The following NEB variants were observed in gnomAD, a reference collection of about 807,000 sequenced individuals.
NEB encodes nemaline myopathy type 2.
In NEB, 512 loss-of-function variants were observed where a neutral mutation model predicts 952.2. The ratio of observed to expected loss-of-function variants is 0.54; its 90% CI spans 0.50 to 0.58. The LOEUF (loss-of-function observed/expected upper bound fraction) is 0.58. Among genes scored for constraint, NEB ranks in the 20% least tolerant of loss-of-function variants. The probability of loss-of-function intolerance (pLI) is 0.00; values close to 1 mark genes in which losing one functional copy is unlikely to be tolerated. For synonymous variants in NEB, 2,900 were observed against 3,149.8 expected, an observed-to-expected ratio of 0.92 and a Z score of 2.66; for missense variants, 8,428 against 9,231.1, an observed-to-expected ratio of 0.91 and a Z score of 3.56.
rs773132178 is a variant in NEB at position 151,695,672 on chromosome 2, T to C, written c.1580A>G (p.Lys527Arg). The change falls in exon 18 of 182, where the codon AAA (lysine) becomes AGA (arginine). Residue 527 changes from lysine (K) to arginine (R), a missense_variant. Around this residue, in one of 11 missense-constraint regions of NEB, gnomAD observed 2,851 missense variants for 2,791.5 expected, o/e 1.02. Coordinates refer to ENST00000397345, the MANE Select transcript of NEB (RefSeq NM_001164508.2). ...GAACTTTTCACTTTCATGTTTTGCT[T>C]TGTAATTTAACTATGACAGAGAGAG... is the stretch of plus-strand genomic sequence containing the variant. The part of the protein sequence containing the change: ...NSKQLSDLNY[K>R]AKHESEKFKC... 9.3e-6 allele frequency: 15 copies of C among 1,612,772 alleles called. No homozygotes were observed. Among genetic ancestry groups the C allele is most frequent in the Non-Finnish European group, 1.2e-5 (14 of 1,178,976 alleles).
intron 67 of NEB, among the ~76,000 whole-genome samples, 173 bp from the exon 68 acceptor site, chr2:151,629,819 G>T (rs147371427): frequency 6.6e-6 from 1 of 151,900 alleles, no homozygotes; most frequent in Non-Finnish European, 1.5e-5. Flanking sequence ...ACTATATAGC[G>T]TTAGAAATAA....
intron 32 of NEB, among the ~76,000 whole-genome samples, chr2:151,678,678 A>T (rs1187234874): frequency 6.6e-6 from 1 of 152,128 alleles, no homozygotes; most frequent in Non-Finnish European, 1.5e-5. Flanking sequence ...CAGAGCCAGG[A>T]GGGGGTAAAC....
At chr2:151,709,135 T>C (rs1577232092) in intron 12 of NEB, among the ~76,000 whole-genome samples, 1 of 152,210 alleles carries the variant, frequency 6.6e-6, no homozygotes, top group African/African-American at 2.4e-5. Flanking sequence ...GAAATATCCA[T>C]GGATTTATGA....
chr2:151,642,373 T>C (rs1252660100), intron 60 of NEB, among the ~76,000 whole-genome samples: 1 of 152,272 alleles, frequency 6.6e-6, no homozygotes, highest in Non-Finnish European at 1.5e-5. Context: ...TTGAAATGCA[T>C]GTTGCTATGG....
rs1323516817 is a variant in NEB at position 151,526,909 on chromosome 2, G to A, written c.21945+9C>T. The A allele has an allele frequency of 3.2e-6, 5 of 1,557,248 alleles. No individual in the cohort carries two copies. In the South Asian group the frequency reaches 4.7e-5, roughly 15 times the overall value. On this transcript the variant is annotated intron_variant, in intron 148 of 181. Transcript: ENST00000397345. ...AGGTTAGGCATCATGGAAGGAACTA[G>A]GTACTTACATCACTTTCTATTAAAG...
At chr2:151,664,700 C>T in intron 43 of NEB, 59 bp downstream of exon 43, 1 of 1,528,346 alleles carries the variant, frequency 6.5e-7, no homozygotes, top group East Asian at 2.3e-5. Flanking sequence ...AGAATGCAGA[C>T]ATAAGTATCA....
intron 135 of NEB, among the ~76,000 whole-genome samples, chr2:151,542,426 T>G (rs2094185856): frequency 6.6e-6 from 1 of 152,192 alleles, no homozygotes; most frequent in Non-Finnish European, 1.5e-5. Context: ...TTTCTGAATT[T>G]AGGTGATTTA....
At position 151,675,379 on chromosome 2, in the gene NEB, C is replaced by A. The variant is rs1244300657; in HGVS notation, c.3787G>T (p.Ala1263Ser). The change falls in exon 35 of 182, where the codon GCT (alanine) becomes TCT (serine). Residue 1263 changes from alanine to serine, a missense_variant. Coordinates refer to ENST00000397345, the MANE Select transcript of NEB (RefSeq NM_001164508.2). ...TKQVSDILYK[A>S]KGEDVKHKYT... ...TTATGTTTCACATCTTCTCCTTTAG[C>A]CTTGTATAAGATCTGCAATAAAATG... 1.3e-6 allele frequency: 2 copies of A among 1,571,816 alleles called. No homozygotes were observed. The highest frequency in any genetic ancestry group is 1.8e-5 in the Admixed American group (1 of 54,378).
intron 9 of NEB, among the ~76,000 whole-genome samples, chr2:151,722,632 C>T (rs2099777971): frequency 6.6e-6 from 1 of 152,170 alleles, no homozygotes; most frequent in Non-Finnish European, 1.5e-5. Flanking sequence ...CAGCCTCGAC[C>T]TCCTGGGTTC....
At chr2:151,516,256 G>A (rs2077641162) in intron 157 of NEB, among the ~76,000 whole-genome samples, 1 of 152,066 alleles carries the variant, frequency 6.6e-6, no homozygotes, top group Non-Finnish European at 1.5e-5. Flanking sequence ...TAAGACATAT[G>A]GTAAATATTT....
At chr2:151,531,361 G>A (rs2090817067) in intron 144 of NEB, among the ~76,000 whole-genome samples, 1 of 130,402 alleles carries the variant, frequency 7.7e-6, no homozygotes, top group African/African-American at 2.9e-5. Flanking sequence ...TTGCCACCCA[G>A]GCTGGAGTGC....
intron 173 of NEB, 24 bp downstream of exon 173, chr2:151,496,251 GT>G (rs772724327): frequency 5.8e-6 from 9 of 1,551,950 alleles, no homozygotes; most frequent in Admixed American, 1.8e-5. Context: ...TCAGTAAGTA[GT>G]TTTTTTCTTT....
intron 84 of NEB, among the ~76,000 whole-genome samples, chr2:151,605,297 C>T (rs565959687): frequency 1.5e-4 from 20 of 129,476 alleles, no homozygotes; most frequent in Non-Finnish European, 5.3e-5. Context: ...ACATATATTC[C>T]AGATGGGGAA....
intron 60 of NEB, among the ~76,000 whole-genome samples, chr2:151,641,659 G>T (rs1485607296): frequency 3.3e-5 from 5 of 151,906 alleles, no homozygotes; most frequent in African/African-American, 1.2e-4. Context: ...TGACAGGTAG[G>T]TATTTCATTA....
chr2:151,532,612 G>A (rs2091888145), intron 143 of NEB, among the ~76,000 whole-genome samples: 1 of 151,930 alleles, frequency 6.6e-6, no homozygotes, highest in South Asian at 2.1e-4. Flanking sequence ...GGAAGTTCAG[G>A]CAAACAGGAT....
chr2:151,615,097 T>C (rs2098147368), intron 76 of NEB, among the ~76,000 whole-genome samples: 1 of 152,190 alleles, frequency 6.6e-6, no homozygotes, highest in Non-Finnish European at 1.5e-5. Context: ...TCAACATCAC[T>C]GAACTTTCAC....
At chr2:151,627,350 C>G in intron 69 of NEB, 145 bp from the exon 70 acceptor site, 1 of 1,365,142 alleles carries the variant, frequency 7.3e-7, no homozygotes, top group Non-Finnish European at 9.9e-7. Flanking sequence ...AATACAGTCT[C>G]AGGTATTACT....
intron 124 of NEB, among the ~76,000 whole-genome samples, chr2:151,556,456 G>T (rs1401915200): frequency 2.0e-5 from 3 of 152,170 alleles, no homozygotes; most frequent in Non-Finnish European, 4.4e-5. Flanking sequence ...GAGAAATGCT[G>T]ATTTAAAGTG....
intron 68 of NEB, among the ~76,000 whole-genome samples, chr2:151,628,703 TA>T (rs896005869): frequency 2.0e-5 from 3 of 150,744 alleles, no homozygotes; most frequent in African/African-American, 2.4e-5. Context: ...TACTAAATAC[TA>T]AAAAAAAATT....
Sources: gnomAD v4.1 joint callset for allele counts (sites outside exome capture counted in the v4.1 genomes callset) on GRCh38, gnomAD v4.1.1 for gene constraint, gnomAD v4.1.1 regional missense constraint, MANE v1.5 for transcripts, NCBI Gene and HGNC (gene_info 2026-07-23, HGNC 2026-07-21) for gene names.